LRP5: variants seen among roughly 807,000 people sequenced by gnomAD.
LRP5 encodes low-density lipoprotein receptor-related protein 5.
LRP5 carries 62 observed loss-of-function variants against 154.1 expected under a neutral mutation model. The ratio of observed to expected loss-of-function variants is 0.40; its 90% CI spans 0.33 to 0.50. The LOEUF (loss-of-function observed/expected upper bound fraction) is 0.50, where lower values mean the gene tolerates loss of function less well. Among genes scored for constraint, LRP5 ranks in the 20% least tolerant of loss-of-function variants. LRP5 has a pLI of 0.55. For synonymous variants in LRP5, 966 were observed against 1,011.5 expected, an observed-to-expected ratio of 0.96 and a Z score of 0.85; for missense variants, 1,915 against 2,336.7, an observed-to-expected ratio of 0.82 and a Z score of 3.72.
intron 5 of LRP5, among the ~76,000 whole-genome samples, chr11:68,372,501 A>ACCGTGGCGGCGAGGAGGGGCAGTGTCAGG (rs1565353667): frequency 3.3e-5 from 5 of 151,414 alleles, no homozygotes; most frequent in African/African-American, 7.3e-5. Context: ...CAGACCGGGG[A>ACCGTGGCGGCGAGGAGGGGCAGTGTCAGG]CTTGGAGCAC....
In LRP5 at chr11:68,446,521, C is replaced by T. The variant is rs1127291; in HGVS notation, c.4574C>T (p.Ala1525Val). The change falls in exon 22 of 23, where the codon GCG becomes GTG. Residue 1525 changes from alanine (A) to valine (V), a missense_variant. This residue lies in a region of LRP5 where 1,094 missense variants were observed against 1,210.1 expected (regional missense o/e 0.90). Coordinates refer to ENST00000294304, the MANE Select transcript of LRP5 (RefSeq NM_002335.4). Reference protein sequence around the residue: ...MFYSSNIPATARPYRPYIIRG... With the variant: ...MFYSSNIPATVRPYRPYIIRG... ...TACTCTTCAAACATTCCGGCCACTGCGAGACCGTACAGGTAGGACATCCCC... is the reference window on the plus strand; with the variant it reads ...TACTCTTCAAACATTCCGGCCACTGTGAGACCGTACAGGTAGGACATCCCC... 0.011 allele frequency: 17,102 copies of T among 1,613,754 alleles called. 121 individuals are homozygous for T. The highest frequency in any genetic ancestry group is 0.012 in the Non-Finnish European group (14,703 of 1,179,676).
At chr11:68,351,574 C>T (rs1431446779) in intron 2 of LRP5, among the ~76,000 whole-genome samples, 2 of 152,146 alleles carry the variant, frequency 1.3e-5, no homozygotes, top group African/African-American at 2.4e-5. Flanking sequence ...CCAGGACCTG[C>T]GCTCCTCCTG....
At chr11:68,403,193 C>T (rs2098653593) in intron 7 of LRP5, among the ~76,000 whole-genome samples, 1 of 152,218 alleles carries the variant, frequency 6.6e-6, no homozygotes, top group South Asian at 2.1e-4. Context: ...TGCAGTGAGC[C>T]GAGATCTTGC....
intron 1 of LRP5, among the ~76,000 whole-genome samples, chr11:68,338,867 G>GTTTTTTTTTTT (rs11382677): frequency 3.6e-4 from 33 of 91,948 alleles, no homozygotes; most frequent in South Asian, 4.0e-4. Context: ...CTTTTGTTTA[G>GTTTTTTTTTTT]TTTTTTTTTT....
At chr11:68,417,794 G>A (rs1174820738) in intron 13 of LRP5, among the ~76,000 whole-genome samples, 1 of 151,774 alleles carries the variant, frequency 6.6e-6, no homozygotes, top group Non-Finnish European at 1.5e-5. Flanking sequence ...AATCAGCTGG[G>A]TGTGGTGGCG....
chr11:68,363,355 C>G (rs1345545942), intron 3 of LRP5, among the ~76,000 whole-genome samples: 1 of 152,138 alleles, frequency 6.6e-6, no homozygotes, highest in African/African-American at 2.4e-5. Context: ...CCTCACTTGT[C>G]TGGTTGAAAG....
intron 5 of LRP5, among the ~76,000 whole-genome samples, chr11:68,366,097 A>C (rs1334147517): frequency 6.6e-6 from 1 of 152,054 alleles, no homozygotes; most frequent in Admixed American, 6.6e-5. Context: ...ACACACGTTC[A>C]GGATGCAGCT....
chr11:68,314,275 C>T (rs2098591280), intron 1 of LRP5, among the ~76,000 whole-genome samples: 1 of 152,104 alleles, frequency 6.6e-6, no homozygotes, highest in South Asian at 2.1e-4. Flanking sequence ...GGTGATGTTG[C>T]TGGAGTCAAA....
At chr11:68,446,899 C>A in intron 22 of LRP5, 1 of 358,208 alleles carries the variant, frequency 2.8e-6, no homozygotes. Flanking sequence ...CATTGAGATG[C>A]CCCCTCTTGG....
chr11:68,299,714 C>G, the LRP5 span, among the ~76,000 whole-genome samples: 9 of 150,522 alleles, frequency 6.0e-5, no homozygotes, highest in Non-Finnish European at 1.2e-4. Flanking sequence ...TCCTGAGTAG[C>G]TGGGATTACA....
intron 5 of LRP5, among the ~76,000 whole-genome samples, chr11:68,380,384 G>A (rs988195420): frequency 1.3e-5 from 2 of 152,152 alleles, no homozygotes; most frequent in African/African-American, 2.4e-5. Context: ...CTACAGCTGC[G>A]GCAGAGCTGA....
intron 2 of LRP5, among the ~76,000 whole-genome samples, chr11:68,351,769 A>G (rs2098618807): frequency 6.6e-6 from 1 of 152,150 alleles, no homozygotes; most frequent in Admixed American, 6.6e-5. Flanking sequence ...ACGTGTGCGT[A>G]GGGGGATAAA....
At chr11:68,308,777 C>A (rs573991649), upstream of LRP5, among the ~76,000 whole-genome samples, 2 of 151,596 alleles carry the variant, frequency 1.3e-5, no homozygotes, top group East Asian at 3.9e-4. Context: ...GAGATGGAGT[C>A]TTGCTCTGTC....
intron 13 of LRP5, among the ~76,000 whole-genome samples, chr11:68,420,628 C>T (rs150966433): frequency 0.01 from 1,549 of 151,632 alleles, 20 homozygotes; most frequent in African/African-American, 0.036. Context: ...CGCTTGTACC[C>T]GGGAGGCAGA....
At chr11:68,301,388 T>C in the LRP5 span, among the ~76,000 whole-genome samples, 3 of 148,528 alleles carry the variant, frequency 2.0e-5, no homozygotes, top group African/African-American at 4.9e-5. Context: ...GGCAGGAGGA[T>C]TGCTTGAGCC....
chr11:68,359,790 G>GTTTTT (rs769629929), intron 3 of LRP5, among the ~76,000 whole-genome samples: 1 of 138,392 alleles, frequency 7.2e-6, no homozygotes, highest in Non-Finnish European at 1.6e-5. Flanking sequence ...TTGTTTGTTT[G>GTTTTT]TTTTTTTTTT....
chr11:68,369,094 T>C (rs1273768211), intron 5 of LRP5, among the ~76,000 whole-genome samples: 1 of 152,224 alleles, frequency 6.6e-6, no homozygotes, highest in African/African-American at 2.4e-5. Flanking sequence ...TACCTCAGCC[T>C]CCTAAAGTTC....
the LRP5 span, among the ~76,000 whole-genome samples, chr11:68,301,201 A>G: frequency 6.7e-6 from 1 of 149,428 alleles, no homozygotes; most frequent in Non-Finnish European, 1.5e-5. Flanking sequence ...CAAAATGTTG[A>G]GATTACAGAT....
intron 2 of LRP5, among the ~76,000 whole-genome samples, chr11:68,349,592 C>G (rs2098616572): frequency 6.6e-6 from 1 of 152,200 alleles, no homozygotes; most frequent in African/African-American, 2.4e-5. Context: ...TCCTCCTCAG[C>G]TCCTAGTCTG....
Sources: gnomAD v4.1 joint callset for allele counts (sites outside exome capture counted in the v4.1 genomes callset) on GRCh38, gnomAD v4.1.1 for gene constraint, gnomAD v4.1.1 regional missense constraint, MANE v1.5 for transcripts, NCBI Gene and HGNC (gene_info 2026-07-23, HGNC 2026-07-21) for gene names.